The following NOM1 variants were observed in gnomAD, a reference collection of about 807,000 sequenced individuals.
NOM1 encodes nucleolar protein with MIF4G domain 1.
In NOM1, 58 loss-of-function variants were observed where a neutral mutation model predicts 73.3. The observed-to-expected ratio is 0.79, with a 90% CI of 0.64 to 0.99. The LOEUF is 0.99. Ranked by LOEUF, NOM1 falls within the 50% of genes least tolerant of loss-of-function variation. The probability of loss-of-function intolerance (pLI) is 0.00; values close to 1 mark genes in which losing one functional copy is unlikely to be tolerated. For synonymous variants in NOM1, 487 were observed against 446.8 expected (o/e 1.09, Z -1.14); for missense variants, 1,226 against 1,131.9 (o/e 1.08, Z -1.19).
chr7:156,967,294 G>A (rs1805022250), intron 9 of NOM1, among the ~76,000 whole-genome samples: 1 of 152,212 alleles, frequency 6.6e-6, no homozygotes, highest in Admixed American at 6.5e-5. Context: ...AGGCACCGCT[G>A]CAGTTCTTTT....
intron 6 of NOM1, 108 bp from the exon 7 acceptor site, chr7:156,963,797 G>A (rs755306557): frequency 1.0e-5 from 14 of 1,343,378 alleles, no homozygotes; most frequent in South Asian, 1.5e-5. Flanking sequence ...ATCCGCCCAC[G>A]TAGACCTCAC....
chr7:156,967,943 G>T (rs1174012351), intron 9 of NOM1, among the ~76,000 whole-genome samples: 2 of 152,130 alleles, frequency 1.3e-5, no homozygotes, highest in Non-Finnish European at 2.9e-5. Context: ...GGGGGCAAAG[G>T]GAAGTGAAAA....
At position 156,969,667 on chromosome 7, in the gene NOM1, G is replaced by A. The variant is rs781508051; in HGVS notation, c.2547G>A (p.Thr849=). The change falls in exon 11 of 11, where the codon ACG becomes ACA. Residue 849 remains threonine, a synonymous_variant. Transcript: ENST00000275820. ...TGAGAGAGAAAGCTGACCTTGCAAC[G>A]AAGTGTCTGCAAGGAAAAGCTTCCC... ...NVLREKADLA[T]KCLQGKASLR... 11 of 1,612,764 alleles carry A rather than the reference G, an allele frequency of 6.8e-6. No individual in the cohort carries two copies. The highest frequency in any genetic ancestry group is 6.7e-5 in the African/African-American group (5 of 74,910).
intron 6 of NOM1, 174 bp downstream of exon 6, chr7:156,963,349 T>C: frequency 3.0e-6 from 2 of 675,016 alleles, no homozygotes; most frequent in South Asian, 1.8e-5. Flanking sequence ...GATATAATTA[T>C]TCCATTTCTG....
intron 3 of NOM1, among the ~76,000 whole-genome samples, chr7:156,954,522 CTTT>C (rs34176770): frequency 5.8e-4 from 59 of 101,638 alleles, no homozygotes; most frequent in South Asian, 2.5e-3. Flanking sequence ...TCTGTCCATT[CTTT>C]TTTTTTTTTT....
At chr7:156,958,289 TC>T (rs748631208) in intron 3 of NOM1, among the ~76,000 whole-genome samples, 2 of 152,164 alleles carry the variant, frequency 1.3e-5, no homozygotes, top group African/African-American at 2.4e-5. Context: ...CTCACGTAGT[TC>T]CTGGTTACCC....
At chr7:156,951,021 C>T (rs1158014899) in intron 1 of NOM1, among the ~76,000 whole-genome samples, 1 of 152,210 alleles carries the variant, frequency 6.6e-6, no homozygotes, top group Non-Finnish European at 1.5e-5. Context: ...AACCTGTTAA[C>T]CCTACCTCAT....
chr7:156,966,149 C>T (rs926442474), intron 7 of NOM1, 121 bp from the exon 8 acceptor site: 3 of 1,264,192 alleles, frequency 2.4e-6, no homozygotes, highest in Admixed American at 4.1e-5. Flanking sequence ...GCCTCCACCT[C>T]CTTTACGTGG....
chr7:156,971,822 C>G lies in NOM1; in HGVS notation c.*2119C>G, dbSNP rs1805147326. The G allele has an allele frequency of 6.6e-6, 1 of 152,270 alleles. No individual in the cohort carries two copies. Among genetic ancestry groups the G allele is most frequent in the African/African-American group, 2.4e-5 (1 of 41,472 alleles). 9.4% of individuals were successfully genotyped at this position (152,270 alleles called of 1,614,324 possible). ...GAGACTGTGTCGTCCCTACAGACTT[C>G]TAACCCTGCATTCAGCAACATCATT... On this transcript the variant is annotated 3_prime_UTR_variant, in exon 11 of 11. Coordinates refer to ENST00000275820, the MANE Select transcript of NOM1 (RefSeq NM_138400.2).
rs1437171021 is a variant in NOM1, at chr7:156,969,744, A to G, written c.*41A>G. 6.4e-7 allele frequency: 1 copy of G among 1,568,768 alleles called. No individual in the cohort carries two copies. The highest frequency in any genetic ancestry group is 2.3e-5 in the East Asian group (1 of 44,200). ...GGGCAGGTGGCCCTTTGACTGTAAA[A>G]TGTCCTTGGTAAACCCAAAGGCTTA... On this transcript the variant is annotated 3_prime_UTR_variant, in exon 11 of 11. Coordinates refer to ENST00000275820, the MANE Select transcript of NOM1 (RefSeq NM_138400.2).
In NOM1 at chr7:156,950,334, AAAG is replaced by A. The variant is rs142959370; in HGVS notation, c.601_603del (p.Lys201del). On this transcript the variant is annotated inframe_deletion, in exon 1 of 11. Coordinates refer to ENST00000275820, the MANE Select transcript of NOM1 (RefSeq NM_138400.2). ...GTTGCCTCGGTTTGAACAAGCGCAAAAAGAAGGACGGCAGCAGCTCCGTGCCGC... is the reference window on the plus strand; with the variant it reads ...GTTGCCTCGGTTTGAACAAGCGCAAAAAGGACGGCAGCAGCTCCGTGCCGC... 3.6e-3 allele frequency: 5,750 copies of A among 1,614,030 alleles called. 176 individuals carry two copies. The African/African-American group carries it at 0.069, about 19-fold the overall frequency.
chr7:156,952,471 CAG>C lies in NOM1; in HGVS notation c.988_989del. The stretch of plus-strand genomic sequence containing the variant: ...TTTGTAATTTATTTCTCTTTTCAAG[CAG>C]AGTCTTTGTGGAAGTGGTGAAAAGT... On this transcript the variant is annotated splice_acceptor_variant, in intron 1 of 10. Coordinates refer to ENST00000275820, the MANE Select transcript of NOM1 (RefSeq NM_138400.2). LOFTEE classifies it high-confidence loss of function. 1 of 1,606,172 alleles carries C rather than the reference CAG, an allele frequency of 6.2e-7. No homozygotes were observed. The highest frequency in any genetic ancestry group is 8.5e-7 in the Non-Finnish European group (1 of 1,177,982).
chr7:156,949,791 C>G lies in NOM1; in HGVS notation c.54C>G (p.Arg18=), dbSNP rs778007539. The change falls in exon 1 of 11, where the codon CGC becomes CGG. Residue 18 remains arginine, a synonymous_variant. Transcript: ENST00000275820. Reference sequence around the variant, plus strand: ...CCGGCCCGGGCGGCTCCCAGGGACGCGTGGTCCGCATGAAGCGCAGAGGCG... The same window carrying G: ...CCGGCCCGGGCGGCTCCCAGGGACGGGTGGTCCGCATGAAGCGCAGAGGCG... ...GEAGPGGSQG[R]VVRMKRRGGR... 4.8e-5 allele frequency: 68 copies of G among 1,424,964 alleles called. No individual in the cohort carries two copies. The highest frequency in any genetic ancestry group is 5.7e-5 in the Non-Finnish European group (62 of 1,094,580). The allele number at this position is 1,424,964 out of a possible 1,614,324, so 88.3% of individuals were successfully genotyped here. A position where few individuals can be genotyped will look rare whatever the true frequency, so the allele number is the denominator to read the frequency against.
intron 1 of NOM1, among the ~76,000 whole-genome samples, chr7:156,951,545 T>C (rs1312815741): frequency 1.3e-5 from 2 of 152,184 alleles, no homozygotes; most frequent in Non-Finnish European, 2.9e-5. Context: ...TCGCACTAGT[T>C]CTATGTATGT....
chr7:156,966,414 C>G lies in NOM1; in HGVS notation c.2166+12C>G. On this transcript the variant is annotated intron_variant, in intron 8 of 10. Transcript: ENST00000275820. The stretch of plus-strand genomic sequence containing the variant: ...AAAGGAGATTTCAGGTAGCTTAGTG[C>G]GGAGGCACCAGTTACGTCCGCTCTA... The G allele has an allele frequency of 5.0e-6, 8 of 1,613,810 alleles. No individual in the cohort carries two copies. Among genetic ancestry groups the G allele is most frequent in the Non-Finnish European group, 6.8e-6 (8 of 1,179,970 alleles).
chr7:156,950,600 A>G lies in NOM1; in HGVS notation c.863A>G (p.Glu288Gly). The G allele has an allele frequency of 6.3e-7, 1 of 1,581,334 alleles. No individual in the cohort carries two copies. The highest frequency in any genetic ancestry group is 1.1e-5 in the South Asian group (1 of 88,196). Residue 288 changes from glutamate (E) to glycine (G), a missense_variant, in exon 1 of 11, where the codon GAA (glutamate) becomes GGA (glycine). Transcript: ENST00000275820. Reference sequence around the variant, plus strand: ...AGCGAGGACGACGACGAGGATACAGAAGAGGAACAGGGGGAAGAAAAGGAA... The same window carrying G: ...AGCGAGGACGACGACGAGGATACAGGAGAGGAACAGGGGGAAGAAAAGGAA... ...AQSEDDDEDT[E>G]EEQGEEKEKG...
In NOM1 at chr7:156,949,758, G is replaced by A. The variant is rs1302025082; in HGVS notation, c.21G>A (p.Ala7=). 5.0e-6 allele frequency: 7 copies of A among 1,393,240 alleles called. No homozygotes were observed. Among genetic ancestry groups the A allele is most frequent in the Non-Finnish European group, 6.5e-6 (7 of 1,079,292 alleles). 86.3% of individuals were successfully genotyped at this position (1,393,240 alleles called of 1,614,324 possible). The change falls in exon 1 of 11, where the codon GCG becomes GCA. Residue 7 remains alanine, a synonymous_variant. Transcript: ENST00000275820. Reference sequence around the variant, plus strand: ...GAAAGATGGCGGCGTCCAGGAGCGCGGGAGAGGCCGGCCCGGGCGGCTCCC... The same window carrying A: ...GAAAGATGGCGGCGTCCAGGAGCGCAGGAGAGGCCGGCCCGGGCGGCTCCC... MAASRS[A]GEAGPGGSQG...
Position 156,949,957 on chromosome 7 carries a change from T to C in NOM1, c.220T>C (p.Phe74Leu), listed in dbSNP as rs1037167746. Residue 74 changes from phenylalanine to leucine, a missense_variant, in exon 1 of 11, where the codon TTT (phenylalanine) becomes CTT (leucine). Phe to Leu is a conservative substitution (Grantham distance 22). Transcript: ENST00000275820. ...GCEGRGAPVSFRPGGRKSRKE... is the reference protein window; with the variant it reads ...GCEGRGAPVSLRPGGRKSRKE... ...CGAGGGGCGCGGCGCCCCGGTGAGC[T>C]TTCGCCCGGGAGGGAGAAAAAGCCG... 16 of 1,541,340 alleles carry C rather than the reference T, an allele frequency of 1.0e-5. No individual in the cohort carries two copies. The highest frequency in any genetic ancestry group is 1.3e-5 in the Non-Finnish European group (15 of 1,146,484).
In NOM1 at chr7:156,963,563, TA is replaced by T. The variant is rs1164537070; in HGVS notation, c.1912-341del. 15 of 380,854 alleles carry T rather than the reference TA, an allele frequency of 3.9e-5. No individual in the cohort carries two copies. In the Admixed American group the frequency reaches 5.6e-4, roughly 14 times the overall value. The allele number at this position is 380,854 out of a possible 1,614,324, so 23.6% of individuals were successfully genotyped here. A position where few individuals can be genotyped will look rare whatever the true frequency, so the allele number is the denominator to read the frequency against. On this transcript the variant is annotated intron_variant, in intron 6 of 10. Transcript: ENST00000275820. ...CATTTTTCATCCAGACTTCCCTCGTTATCCCCTCATGTCCTTCCCTGTCCCA... is the reference window on the plus strand; with the variant it reads ...CATTTTTCATCCAGACTTCCCTCGTTTCCCCTCATGTCCTTCCCTGTCCCA...
Sources: gnomAD v4.1 joint callset for allele counts (sites outside exome capture counted in the v4.1 genomes callset) on GRCh38, gnomAD v4.1.1 for gene constraint, MANE v1.5 for transcripts, NCBI Gene and HGNC (gene_info 2026-07-23, HGNC 2026-07-21) for gene names.